ARMC10: variants seen among roughly 807,000 people sequenced by gnomAD.
The protein encoded by ARMC10 is armadillo repeat-containing protein 10.
Under a neutral mutation model 30.2 loss-of-function variants are expected in ARMC10, and 23 were observed. The ratio of observed to expected loss-of-function variants is 0.76; its 90% CI spans 0.55 to 1.08. The LOEUF (loss-of-function observed/expected upper bound fraction) is 1.08. Among genes scored for constraint, ARMC10 ranks in the 50% least tolerant of loss-of-function variants. The pLI is 0.00. For synonymous variants in ARMC10, 111 were observed against 164.4 expected (o/e 0.68, Z 2.48); for missense variants, 303 against 413.7 (o/e 0.73, Z 2.32).
chr7:103,082,212 T>C (rs1406670110), intron 2 of ARMC10, among the ~76,000 whole-genome samples: 1 of 152,226 alleles, frequency 6.6e-6, no homozygotes, highest in Non-Finnish European at 1.5e-5. Context: ...TCTAGCTTTG[T>C]AGCTGTGACA....
chr7:103,092,760 T>C (rs1300565073), intron 5 of ARMC10, 107 bp downstream of exon 5: 1 of 757,468 alleles, frequency 1.3e-6, no homozygotes, highest in African/African-American at 1.8e-5. Context: ...AAAACTCACA[T>C]GGGCCCAAGA....
At chr7:103,082,377 T>C (rs1800459719) in intron 2 of ARMC10, among the ~76,000 whole-genome samples, 1 of 148,356 alleles carries the variant, frequency 6.7e-6, no homozygotes, top group Admixed American at 7.0e-5. Context: ...TTAGTTATTT[T>C]AGTTACAGAA....
chr7:103,091,312 G>A (rs560108203), intron 4 of ARMC10, among the ~76,000 whole-genome samples: 4 of 152,150 alleles, frequency 2.6e-5, no homozygotes, highest in South Asian at 2.1e-4. Flanking sequence ...CAGCCTGTGC[G>A]GCAGTGAGAC....
At chr7:103,086,427 TC>T (rs1302478971) in intron 3 of ARMC10, among the ~76,000 whole-genome samples, 1 of 152,144 alleles carries the variant, frequency 6.6e-6, no homozygotes, top group Non-Finnish European at 1.5e-5. Context: ...ATCTTAATAA[TC>T]TTATTTTCAA....
intron 4 of ARMC10, among the ~76,000 whole-genome samples, chr7:103,091,694 ATCT>A (rs10532319): frequency 0.88 from 133,080 of 151,936 alleles, 60,991 homozygotes; most frequent in East Asian, 1. Context: ...ATGGCCTCAC[ATCT>A]TCTTCCCTGA....
rs771977169 is a variant in ARMC10 at position 103,075,339 on chromosome 7, T to C, written c.67T>C (p.Cys23Arg). Residue 23 changes from cysteine to arginine, a missense_variant, in exon 1 of 7, where the codon TGC (cysteine) becomes CGC (arginine). Cys to Arg is a radical substitution (Grantham distance 180). Coordinates refer to ENST00000323716, the MANE Select transcript of ARMC10 (RefSeq NM_031905.5). ...GCTGCTCGGCGCGGGCGCCTGCTAC[T>C]GCATTTACAGGCTGACCCGGGGTCG... is the stretch of plus-strand genomic sequence containing the variant. ...GLLLGAGACY[C>R]IYRLTRGRRR... 2 of 1,259,058 alleles carry C rather than the reference T, an allele frequency of 1.6e-6. No homozygotes were observed. The highest frequency in any genetic ancestry group is 5.9e-5 in the East Asian group (2 of 33,776). 78.0% of individuals were successfully genotyped at this position (1,259,058 alleles called of 1,614,324 possible).
intron 5 of ARMC10, among the ~76,000 whole-genome samples, chr7:103,093,102 T>C (rs931191426): frequency 3.9e-5 from 6 of 152,242 alleles, no homozygotes; most frequent in African/African-American, 1.4e-4. Context: ...TAGGTTGATA[T>C]AAGAGGCAAC....
chr7:103,092,830 G>T (rs1018621594), intron 5 of ARMC10, among the ~76,000 whole-genome samples, 177 bp downstream of exon 5: 4 of 152,150 alleles, frequency 2.6e-5, no homozygotes, highest in African/African-American at 7.2e-5. Flanking sequence ...AAAACCATCT[G>T]TTGTTTCACT....
intron 4 of ARMC10, 36 bp downstream of exon 4, chr7:103,086,800 T>C (rs768582289): frequency 6.3e-7 from 1 of 1,585,492 alleles, no homozygotes; most frequent in Admixed American, 1.9e-5. Context: ...TATAAGGTTT[T>C]CTATAAATAA....
chr7:103,097,414 T>A, intron 6 of ARMC10, 66 bp downstream of exon 6: 1 of 1,206,346 alleles, frequency 8.3e-7, no homozygotes, highest in Non-Finnish European at 1.2e-6. Context: ...CAGACAGATC[T>A]GGAAAGATTA....
At chr7:103,083,924 CAA>C in intron 3 of ARMC10, 94 bp downstream of exon 3, 1 of 1,526,260 alleles carries the variant, frequency 6.6e-7, no homozygotes, top group Admixed American at 1.8e-5. Context: ...CTCAGACCCT[CAA>C]TTTCCTCATC....
chr7:103,094,419 T>TA (rs1318709879), intron 5 of ARMC10, among the ~76,000 whole-genome samples: 1 of 152,222 alleles, frequency 6.6e-6, no homozygotes, highest in Non-Finnish European at 1.5e-5. Context: ...TGTATATATA[T>TA]TTTTTTCTCA....
At chr7:103,093,384 T>C (rs1285733542) in intron 5 of ARMC10, among the ~76,000 whole-genome samples, 1 of 152,204 alleles carries the variant, frequency 6.6e-6, no homozygotes, top group Non-Finnish European at 1.5e-5. Context: ...ACTCCAAATA[T>C]TCAACATCAC....
chr7:103,075,497 G>A, intron 1 of ARMC10, 86 bp downstream of exon 1: 1 of 1,213,408 alleles, frequency 8.2e-7, no homozygotes, highest in Non-Finnish European at 1.0e-6. Context: ...TGTGCTCGGG[G>A]TAAAATGAGG....
At chr7:103,080,181 A>G (rs1285118255) in intron 2 of ARMC10, among the ~76,000 whole-genome samples, 2 of 152,222 alleles carry the variant, frequency 1.3e-5, no homozygotes, top group African/African-American at 2.4e-5. Flanking sequence ...TGAGTATTTG[A>G]TGATCGCCCT....
chr7:103,085,234 T>TA (rs1800732333), intron 3 of ARMC10, among the ~76,000 whole-genome samples: 1 of 151,938 alleles, frequency 6.6e-6, no homozygotes, highest in Non-Finnish European at 1.5e-5. Flanking sequence ...TCAATTATAG[T>TA]ACCTTAATCT....
rs553225889 is a variant in ARMC10 at position 103,079,337 on chromosome 7, AAAAG to A, written c.244+3460_244+3463del. ...TCCATAGCTGAAGCTCGGGGAAAAA[AAAAG>A]AAAAAAAATTTTATCATTTCTGATA... is the stretch of plus-strand genomic sequence containing the variant. On this transcript the variant is annotated intron_variant, in intron 2 of 6. Transcript: ENST00000323716. Among the ~76,000 whole-genome samples, 13 of 152,328 alleles carry A rather than the reference AAAAG, an allele frequency of 8.5e-5. No homozygotes were observed. The South Asian group carries it at 2.1e-3, about 24-fold the overall frequency.
chr7:103,082,405 C>CAAA (rs11354159), intron 2 of ARMC10, among the ~76,000 whole-genome samples: 1 of 141,498 alleles, frequency 7.1e-6, no homozygotes, highest in Non-Finnish European at 1.5e-5. Flanking sequence ...CTGTTTATTG[C>CAAA]AAAAAAAAAA....
Position 103,075,824 on chromosome 7 carries a change from G to A in ARMC10, c.187G>A (p.Ala63Thr), listed in dbSNP as rs763359287. The A allele has an allele frequency of 6.2e-7, 1 of 1,611,338 alleles. No individual in the cohort carries two copies. Among genetic ancestry groups the A allele is most frequent in the Non-Finnish European group, 8.5e-7 (1 of 1,178,928 alleles). The stretch of plus-strand genomic sequence containing the variant: ...AGAGGGTCAGTTGTGCGGGCGCTCG[G>A]CCCGGCCTCAGACGGGAGGTACCTG... ...TSEGQLCGRSARPQTGGTWES... is the reference protein window; with the variant it reads ...TSEGQLCGRSTRPQTGGTWES... The change falls in exon 2 of 7, where the codon GCC becomes ACC. Residue 63 changes from alanine (A) to threonine (T), a missense_variant. Transcript: ENST00000323716.
Sources: gnomAD v4.1 joint callset for allele counts (sites outside exome capture counted in the v4.1 genomes callset) on GRCh38, gnomAD v4.1.1 for gene constraint, MANE v1.5 for transcripts, NCBI Gene and HGNC (gene_info 2026-07-23, HGNC 2026-07-21) for gene names.